Variants in NADSYN1 observed in about 807,000 individuals in gnomAD.
NADSYN1 encodes NAD synthetase 1.
NADSYN1 carries 80 observed loss-of-function variants against 99.3 expected under a neutral mutation model. That is an observed-to-expected ratio of 0.81 (90% CI 0.67 to 0.97). The LOEUF (loss-of-function observed/expected upper bound fraction) is 0.97, where lower values mean the gene tolerates loss of function less well. NADSYN1 is among the 50% of genes least tolerant of loss of function. The pLI is 0.00. For missense variants in NADSYN1, 859 were observed against 948.5 expected (o/e 0.91, Z 1.24); for synonymous variants, 385 against 372.1 (o/e 1.03, Z -0.40).
At chr11:71,453,481 A>G in intron 1 of NADSYN1, 100 bp downstream of exon 1, 1 of 1,133,464 alleles carries the variant, frequency 8.8e-7, no homozygotes, top group Non-Finnish European at 1.3e-6. Flanking sequence ...TGCCCTGGGA[A>G]ACTCTCGGCC....
At chr11:71,496,638 G>A (rs115395912) in intron 18 of NADSYN1, 3,638 of 152,974 alleles carry the variant, frequency 0.024, 124 homozygotes, top group African/African-American at 0.083. Context: ...TGCCTCTTGC[G>A]TCTTCTGGGG....
intron 16 of NADSYN1, among the ~76,000 whole-genome samples, chr11:71,486,493 A>G (rs1481077797): frequency 1.3e-5 from 2 of 151,528 alleles, no homozygotes; most frequent in African/African-American, 4.9e-5. Context: ...TCATCCATCC[A>G]TTCATTCACC....
intron 14 of NADSYN1, among the ~76,000 whole-genome samples, 166 bp downstream of exon 14, chr11:71,483,183 A>G (rs577662581): frequency 5.9e-5 from 9 of 152,252 alleles, no homozygotes; most frequent in African/African-American, 1.9e-4. Context: ...GTGGGTGAAT[A>G]ATATTCCACT....
At chr11:71,461,970 C>T (rs1406209337) in intron 3 of NADSYN1, among the ~76,000 whole-genome samples, 1 of 152,234 alleles carries the variant, frequency 6.6e-6, no homozygotes, top group Non-Finnish European at 1.5e-5. Context: ...AGGACCGGGG[C>T]AGGCAGTGGT....
intron 5 of NADSYN1, among the ~76,000 whole-genome samples, chr11:71,467,282 A>G (rs1265851569): frequency 6.6e-6 from 1 of 152,140 alleles, no homozygotes; most frequent in African/African-American, 2.4e-5. Flanking sequence ...TTACTGTAGC[A>G]CCCGCAGGCG....
chr11:71,483,026 G>T lies in NADSYN1; in HGVS notation c.1319+9G>T, dbSNP rs374650030. ...GCCCAGCAGATTGGAAGGTAGAGTT[G>T]GTCCCTGGTATTGGGCATGGCAGGT... is the stretch of plus-strand genomic sequence containing the variant. On this transcript the variant is annotated intron_variant, in intron 14 of 20. Coordinates refer to ENST00000319023, the MANE Select transcript of NADSYN1 (RefSeq NM_018161.5). 48 of 1,611,454 alleles carry T rather than the reference G, an allele frequency of 3.0e-5. No homozygotes were observed. The African/African-American group carries it at 6.0e-4, about 20-fold the overall frequency.
chr11:71,467,581 A>G (rs1949600816), intron 5 of NADSYN1, among the ~76,000 whole-genome samples: 1 of 152,240 alleles, frequency 6.6e-6, no homozygotes, highest in Admixed American at 6.5e-5. Flanking sequence ...GAGCCAAATA[A>G]TAATGTGAAT....
At chr11:71,468,605 C>G (rs1445440818) in intron 5 of NADSYN1, among the ~76,000 whole-genome samples, 2 of 151,942 alleles carry the variant, frequency 1.3e-5, no homozygotes, top group East Asian at 3.9e-4. Flanking sequence ...CTTTAAAAGT[C>G]CAGTAGAAAA....
chr11:71,476,081 A>C (rs1174472508), intron 9 of NADSYN1: 1 of 456,206 alleles, frequency 2.2e-6, no homozygotes, highest in Admixed American at 2.3e-5. Context: ...AACAAATCCC[A>C]AGTGCACAAA....
chr11:71,498,516 C>A lies in NADSYN1; in HGVS notation c.2058C>A (p.Cys686Ter). The change falls in exon 20 of 21, where the codon TGC (cysteine) becomes TGA (stop). Residue 686 changes from cysteine to a stop codon, truncating the protein, a stop_gained. Coordinates refer to ENST00000319023, the MANE Select transcript of NADSYN1 (RefSeq NM_018161.5). LOFTEE classifies it low-confidence loss of function (END_TRUNC). ...CAAGCTGGCCTTGGCAGTTTCGGTG[C>A]ATAGAAAATCAGGTAAATCCAGCAG... The part of the protein sequence containing the change: ...YNTSWPWQFR[C>*]IENQVLQLER... 1 of 1,613,788 alleles carries A rather than the reference C, an allele frequency of 6.2e-7. No individual in the cohort carries two copies. The highest frequency in any genetic ancestry group is 8.5e-7 in the Non-Finnish European group (1 of 1,179,782).
At position 71,463,063 on chromosome 11, in the gene NADSYN1, G is replaced by A. The variant is rs564535406; in HGVS notation, c.264-369G>A. ...TGGTGGGTGGAAATGAGCTCAGGGC[G>A]GACAGGTGCTGAAAAGTGGATGCCT... On this transcript the variant is annotated intron_variant, in intron 3 of 20. Coordinates refer to ENST00000319023, the MANE Select transcript of NADSYN1 (RefSeq NM_018161.5). Among the ~76,000 whole-genome samples the A allele has an allele frequency of 3.3e-5, 5 of 152,300 alleles. No homozygotes were observed. The South Asian group carries it at 6.2e-4, about 19-fold the overall frequency.
chr11:71,453,457 C>A, intron 1 of NADSYN1, 76 bp downstream of exon 1: 2 of 1,348,416 alleles, frequency 1.5e-6, no homozygotes, highest in Non-Finnish European at 2.1e-6. Context: ...TTGCCCGTGG[C>A]GTGCTCACAG....
intron 5 of NADSYN1, among the ~76,000 whole-genome samples, chr11:71,465,685 G>A (rs780116010): frequency 3.9e-5 from 6 of 152,112 alleles, no homozygotes; most frequent in East Asian, 1.9e-4. Context: ...AAAATGCCCC[G>A]GTTGAGAAAT....
intron 3 of NADSYN1, among the ~76,000 whole-genome samples, chr11:71,459,518 C>T (rs1949536371): frequency 6.6e-6 from 1 of 151,906 alleles, no homozygotes; most frequent in African/African-American, 2.4e-5. Context: ...GAATAGCCGG[C>T]TCCCTATGGA....
chr11:71,462,161 T>G (rs1426149115), intron 3 of NADSYN1, among the ~76,000 whole-genome samples: 1 of 152,002 alleles, frequency 6.6e-6, no homozygotes, highest in Non-Finnish European at 1.5e-5. Flanking sequence ...TGGGGGGTGA[T>G]CGGGGGTCGG....
chr11:71,498,255 C>A, intron 19 of NADSYN1, 97 bp from the exon 20 acceptor site: 1 of 1,387,178 alleles, frequency 7.2e-7, no homozygotes, highest in Non-Finnish European at 1.0e-6. Flanking sequence ...GGGGAGTAAC[C>A]CATTAGTCAT....
chr11:71,483,953 A>T (rs1279515992), intron 14 of NADSYN1, among the ~76,000 whole-genome samples: 1 of 152,222 alleles, frequency 6.6e-6, no homozygotes, highest in Non-Finnish European at 1.5e-5. Flanking sequence ...ACCAGGCCAC[A>T]TGGTGTTTGA....
chr11:71,468,029 G>A (rs1277732112), intron 5 of NADSYN1, among the ~76,000 whole-genome samples: 1 of 152,228 alleles, frequency 6.6e-6, no homozygotes, highest in Non-Finnish European at 1.5e-5. Flanking sequence ...CTGCTTCGTA[G>A]TGGTGAAGCC....
chr11:71,455,782 T>G (rs187630546), intron 2 of NADSYN1, among the ~76,000 whole-genome samples: 1 of 152,262 alleles, frequency 6.6e-6, no homozygotes, highest in South Asian at 2.1e-4. Flanking sequence ...TGTTTTGTTA[T>G]AGCAGGCTGA....
Sources: allele counts gnomAD v4.1 joint callset (sites outside exome capture counted in the v4.1 genomes callset), GRCh38; gene constraint gnomAD v4.1.1; transcripts MANE v1.5; gene names NCBI Gene and HGNC (gene_info 2026-07-23, HGNC 2026-07-21).